PDZD2: variants seen among roughly 807,000 people sequenced by gnomAD.
PDZD2 encodes the protein PDZ domain containing 2.
In PDZD2, 90 loss-of-function variants were observed where a neutral mutation model predicts 220.7. The observed-to-expected ratio is 0.41, with a 90% CI of 0.34 to 0.49. The LOEUF is 0.49. Among genes scored for constraint, PDZD2 ranks in the 20% least tolerant of loss-of-function variants. PDZD2 has a pLI of 0.28. For synonymous variants in PDZD2, 1,375 were observed against 1,450.5 expected, an observed-to-expected ratio of 0.95 and a Z score of 1.18; for missense variants, 3,174 against 3,608.5, an observed-to-expected ratio of 0.88 and a Z score of 3.08.
At chr5:31,985,297 TC>T (rs1268098485) in intron 3 of PDZD2, among the ~76,000 whole-genome samples, 2 of 152,202 alleles carry the variant, frequency 1.3e-5, no homozygotes, top group Non-Finnish European at 2.9e-5. Context: ...GCTCCCTTAA[TC>T]ATTTGAAGGT....
intron 1 of PDZD2, among the ~76,000 whole-genome samples, chr5:31,720,045 A>C (rs1748696338): frequency 6.6e-6 from 1 of 152,250 alleles, no homozygotes. Context: ...CCCTGGCACC[A>C]ATGCTGGATG....
chr5:31,780,478 A>G (rs1186410128), intron 1 of PDZD2, among the ~76,000 whole-genome samples: 1 of 152,224 alleles, frequency 6.6e-6, no homozygotes, highest in Non-Finnish European at 1.5e-5. Flanking sequence ...ACATTAAAGT[A>G]GAGCATTTTT....
intron 2 of PDZD2, among the ~76,000 whole-genome samples, chr5:31,831,053 G>A (rs1260275851): frequency 1.3e-5 from 2 of 152,326 alleles, no homozygotes; most frequent in East Asian, 3.9e-4. Flanking sequence ...CCTTATCAGA[G>A]ATCATTACCT....
intron 1 of PDZD2, among the ~76,000 whole-genome samples, chr5:31,791,285 G>C (rs1405411990): frequency 6.6e-6 from 1 of 151,994 alleles, no homozygotes; most frequent in Admixed American, 6.6e-5. Context: ...TGTAGACTTT[G>C]CTGAGAGTGA....
rs72757942 is a variant in PDZD2, at chr5:31,870,273, G to C, written c.476+70549G>C. Among the ~76,000 whole-genome samples the C allele has an allele frequency of 1.0e-3, 159 of 152,292 alleles. 1 individual carries two copies. The highest frequency in any genetic ancestry group is 6.8e-3 in the Middle Eastern group (2 of 294). ...CACATATGCCCACATATAAGGTGTA[G>C]AGTCCACCCCGGCCCCTGCAAAAAG... is the stretch of plus-strand genomic sequence containing the variant. On this transcript the variant is annotated intron_variant, in intron 2 of 24. Coordinates refer to ENST00000438447, the MANE Select transcript of PDZD2 (RefSeq NM_178140.4).
chr5:31,813,570 C>G (rs1045866404), intron 2 of PDZD2, among the ~76,000 whole-genome samples: 3 of 150,994 alleles, frequency 2.0e-5, no homozygotes, highest in African/African-American at 7.3e-5. Context: ...TTTTAGCAAA[C>G]TGAATATTTA....
intron 2 of PDZD2, among the ~76,000 whole-genome samples, chr5:31,967,210 TGAAAG>T (rs1051471078): frequency 1.1e-4 from 17 of 152,068 alleles, no homozygotes; most frequent in African/African-American, 1.7e-4. Flanking sequence ...TGGATCCACT[TGAAAG>T]GGAAGGGAAC....
At chr5:31,970,366 A>G (rs1418148529) in intron 2 of PDZD2, among the ~76,000 whole-genome samples, 3 of 152,134 alleles carry the variant, frequency 2.0e-5, no homozygotes, top group East Asian at 1.9e-4. Flanking sequence ...ACAAGATTGT[A>G]AAGAGTCAGA....
Position 32,082,178 on chromosome 5 carries a change from C to T in PDZD2, c.3682+4572C>T, listed in dbSNP as rs558806366. Among the ~76,000 whole-genome samples, 215 of 151,964 alleles carry T rather than the reference C, an allele frequency of 1.4e-3. 2 individuals are homozygous for T. Among genetic ancestry groups the T allele is most frequent in the African/African-American group, 4.8e-3 (201 of 41,446 alleles). On this transcript the variant is annotated intron_variant, in intron 19 of 24. Transcript: ENST00000438447. ...CTTGGATTACAGGCGCCCACCACCA[C>T]GCTCGGCCAATTTTTGTGTTTTTAG...
rs746510970 is a variant in PDZD2, at chr5:31,644,428, A to G, written c.-361+4991A>G. ...TGAGAGCTAAAGAGTTCTGCCTTCT[A>G]TTTACAAATGTGTTCAAGAAGACAC... On this transcript the variant is annotated intron_variant, in intron 1 of 24. Transcript: ENST00000438447. 4.6e-5 allele frequency among the ~76,000 whole-genome samples: 7 copies of G among 152,310 alleles called. No homozygotes were observed. In the East Asian group the frequency reaches 1.2e-3, roughly 25 times the overall value.
chr5:31,840,494 T>C (rs1231465248), intron 2 of PDZD2: 1 of 389,966 alleles, frequency 2.6e-6, no homozygotes, highest in Non-Finnish European at 4.8e-6. Context: ...AGTAGCTATT[T>C]TGCCATGAAT....
chr5:31,716,065 G>A (rs1487941685), intron 1 of PDZD2, among the ~76,000 whole-genome samples: 1 of 152,158 alleles, frequency 6.6e-6, no homozygotes, highest in Non-Finnish European at 1.5e-5. Context: ...ATTAGGGACT[G>A]CCTATATGTG....
intron 1 of PDZD2, among the ~76,000 whole-genome samples, chr5:31,750,403 C>A (rs565108696): frequency 6.6e-6 from 1 of 152,302 alleles, no homozygotes; most frequent in African/African-American, 2.4e-5. Flanking sequence ...AAATAGCAAG[C>A]AGTTGTCATG....
chr5:32,101,289 A>AT (rs763223045), intron 24 of PDZD2, 50 bp downstream of exon 24: 2 of 1,504,308 alleles, frequency 1.3e-6, no homozygotes, highest in Non-Finnish European at 1.8e-6. Context: ...TCATTTTTCC[A>AT]TGGATGTCTC....
Position 31,689,360 on chromosome 5 carries a change from T to A in PDZD2, c.-361+49923T>A, listed in dbSNP as rs1413748886. Among the ~76,000 whole-genome samples the A allele has an allele frequency of 7.5e-4, 90 of 119,694 alleles. 2 individuals carry two copies. The highest frequency in any genetic ancestry group is 2.9e-3 in the African/African-American group (83 of 29,072). 78.5% of individuals were successfully genotyped at this position (119,694 alleles called of 152,430 possible). A position where few individuals can be genotyped will look rare whatever the true frequency, so the allele number is the denominator to read the frequency against. On this transcript the variant is annotated intron_variant, in intron 1 of 24. Transcript: ENST00000438447. ...ACATATATATATATATATATTTTTTTTTTTTTTTTTTTTAAGTCGAGACGG... is the reference window on the plus strand; with the variant it reads ...ACATATATATATATATATATTTTTTATTTTTTTTTTTTTAAGTCGAGACGG...
At chr5:31,723,648 G>A (rs540131568) in intron 1 of PDZD2, among the ~76,000 whole-genome samples, 21 of 151,674 alleles carry the variant, frequency 1.4e-4, no homozygotes, top group African/African-American at 2.2e-4. Flanking sequence ...ACGAAGTCTC[G>A]CTCTTGTCAC....
chr5:32,049,233 TG>T (rs1418088665), intron 8 of PDZD2, among the ~76,000 whole-genome samples: 2 of 152,156 alleles, frequency 1.3e-5, no homozygotes, highest in Non-Finnish European at 2.9e-5. Context: ...TCCACAGCCC[TG>T]CATGAGGGCC....
In PDZD2 at chr5:32,078,915, C is replaced by T. The variant is rs114235081; in HGVS notation, c.3682+1309C>T. Among the ~76,000 whole-genome samples the T allele has an allele frequency of 4.8e-3, 723 of 151,858 alleles. 5 individuals are homozygous for T. Among genetic ancestry groups the T allele is most frequent in the African/African-American group, 0.017 (685 of 41,422 alleles). On this transcript the variant is annotated intron_variant, in intron 19 of 24. Coordinates refer to ENST00000438447, the MANE Select transcript of PDZD2 (RefSeq NM_178140.4). Reference sequence around the variant, plus strand: ...GTAAAACATGATTTTTAAAAATCAACTGAATTAAGTGACTTTGCTTCCTTG... The same window carrying T: ...GTAAAACATGATTTTTAAAAATCAATTGAATTAAGTGACTTTGCTTCCTTG...
chr5:31,688,383 TC>T (rs1746960214), intron 1 of PDZD2, among the ~76,000 whole-genome samples: 1 of 152,222 alleles, frequency 6.6e-6, no homozygotes, highest in Non-Finnish European at 1.5e-5. Flanking sequence ...CTGGTCCACT[TC>T]TTTTCAGATT....
Sources: allele counts gnomAD v4.1 joint callset (sites outside exome capture counted in the v4.1 genomes callset), GRCh38; gene constraint gnomAD v4.1.1; transcripts MANE v1.5; gene names NCBI Gene and HGNC (gene_info 2026-07-23, HGNC 2026-07-21).